FAM168A: variants seen among roughly 807,000 people sequenced by gnomAD.
FAM168A encodes the protein protein FAM168A.
A neutral mutation model predicts 28.5 loss-of-function variants in FAM168A; 3 were observed. That is an observed-to-expected ratio of 0.11 (90% confidence interval 0.05 to 0.27). FAM168A has a LOEUF of 0.27. Among genes scored for constraint, FAM168A ranks in the 10% least tolerant of loss-of-function variants. The pLI, the probability that FAM168A is intolerant of heterozygous loss-of-function variation, is 1.00. For missense variants in FAM168A, 222 were observed against 311.5 expected (o/e 0.71, Z 2.16); for synonymous variants, 122 against 124.2 (o/e 0.98, Z 0.12).
At chr11:73,445,890 C>T (rs901079205) in intron 2 of FAM168A, among the ~76,000 whole-genome samples, 1 of 152,104 alleles carries the variant, frequency 6.6e-6, no homozygotes, top group African/African-American at 2.4e-5. Context: ...TGAACATCTC[C>T]CATAATGTTT....
chr11:73,545,027 A>ATAATATATTTTAT (rs57233496), intron 1 of FAM168A, among the ~76,000 whole-genome samples: 1 of 77,468 alleles, frequency 1.3e-5, no homozygotes, highest in African/African-American at 1.2e-4. Context: ...TAGTATATAT[A>ATAATATATTTTAT]ATATATATAT....
intron 3 of FAM168A, among the ~76,000 whole-genome samples, chr11:73,428,228 C>T (rs1565239948): frequency 6.6e-6 from 1 of 152,140 alleles, no homozygotes; most frequent in Non-Finnish European, 1.5e-5. Flanking sequence ...TGATTGGCAC[C>T]ACCTCTCCTG....
At chr11:73,566,968 TAGA>T (rs897942355) in intron 1 of FAM168A, among the ~76,000 whole-genome samples, 3 of 152,242 alleles carry the variant, frequency 2.0e-5, no homozygotes, top group Admixed American at 2.0e-4. Flanking sequence ...ACCATTTGAG[TAGA>T]AGAAGCAACA....
At position 73,440,867 on chromosome 11, in the gene FAM168A, G is replaced by T. The variant is rs543044295; in HGVS notation, c.71-10097C>A. 4.8e-4 allele frequency among the ~76,000 whole-genome samples: 73 copies of T among 152,150 alleles called. 1 individual carries two copies. The Middle Eastern group carries it at 0.01, about 21-fold the overall frequency. On this transcript the variant is annotated intron_variant, in intron 2 of 7. Transcript: ENST00000356467. ...GACATTTGTAACATATGTAACATTGGACTAGAGGCCAGATTAAAAAACTCA... is the reference window on the plus strand; with the variant it reads ...GACATTTGTAACATATGTAACATTGTACTAGAGGCCAGATTAAAAAACTCA...
intron 1 of FAM168A, among the ~76,000 whole-genome samples, chr11:73,543,011 C>T (rs1943677390): frequency 6.6e-6 from 1 of 152,146 alleles, no homozygotes; most frequent in Admixed American, 6.5e-5. Flanking sequence ...ATCAATATGA[C>T]TTGCTCCTTT....
At chr11:73,543,521 A>G (rs1292931653) in intron 1 of FAM168A, among the ~76,000 whole-genome samples, 2 of 152,150 alleles carry the variant, frequency 1.3e-5, no homozygotes, top group East Asian at 3.8e-4. Context: ...TCGGTCTCCC[A>G]AAGTGCTGGG....
rs139513668 is a variant in FAM168A, at chr11:73,568,396, A to T, written c.-19+29527T>A. On this transcript the variant is annotated intron_variant, in intron 1 of 7. Coordinates refer to ENST00000356467, the MANE Select transcript of FAM168A (RefSeq NM_015159.3). Reference sequence around the variant, plus strand: ...AGGTGAGGGGTTAATTTACCTGAATATAACAATCTCAGACTAAAATAAGAA... The same window carrying T: ...AGGTGAGGGGTTAATTTACCTGAATTTAACAATCTCAGACTAAAATAAGAA... 5.9e-5 allele frequency among the ~76,000 whole-genome samples: 9 copies of T among 152,376 alleles called. No homozygotes were observed. In the East Asian group the frequency reaches 1.7e-3, roughly 29 times the overall value.
intron 4 of FAM168A, among the ~76,000 whole-genome samples, chr11:73,413,638 T>C (rs1866652860): frequency 6.6e-6 from 1 of 152,220 alleles, no homozygotes; most frequent in East Asian, 1.9e-4. Context: ...GACAACGTAC[T>C]ATAGATCCCA....
intron 1 of FAM168A, among the ~76,000 whole-genome samples, chr11:73,475,568 G>A (rs1240866445): frequency 6.6e-6 from 1 of 151,928 alleles, no homozygotes; most frequent in Non-Finnish European, 1.5e-5. Context: ...AATAGAAGGA[G>A]GTGGAACTTC....
chr11:73,478,594 T>C (rs1274339359), intron 1 of FAM168A, among the ~76,000 whole-genome samples: 2 of 152,206 alleles, frequency 1.3e-5, no homozygotes, highest in Admixed American at 1.3e-4. Context: ...ATGAGTACAT[T>C]TATCATATCT....
intron 1 of FAM168A, among the ~76,000 whole-genome samples, chr11:73,589,433 G>C (rs1944354513): frequency 6.6e-6 from 1 of 151,182 alleles, no homozygotes; most frequent in South Asian, 2.1e-4. Context: ...GGGCTACACT[G>C]GAAGAAAAAT....
intron 1 of FAM168A, among the ~76,000 whole-genome samples, chr11:73,545,837 C>A (rs114332532): frequency 1.3e-5 from 2 of 151,752 alleles, no homozygotes; most frequent in South Asian, 4.2e-4. Context: ...GCATAAGCCA[C>A]GGCGCCCAGC....
chr11:73,451,132 C>T (rs1409501216), intron 2 of FAM168A, among the ~76,000 whole-genome samples: 1 of 152,166 alleles, frequency 6.6e-6, no homozygotes, highest in Admixed American at 6.5e-5. Context: ...AAATGGGTTA[C>T]AGGTTGAGTT....
At chr11:73,496,745 A>G (rs1296264716) in intron 1 of FAM168A, among the ~76,000 whole-genome samples, 1 of 152,058 alleles carries the variant, frequency 6.6e-6, no homozygotes, top group Admixed American at 6.5e-5. Flanking sequence ...TATTTTTAGT[A>G]GAGACGGGGT....
At chr11:73,495,238 AG>A (rs1854848271) in intron 1 of FAM168A, among the ~76,000 whole-genome samples, 1 of 152,150 alleles carries the variant, frequency 6.6e-6, no homozygotes, top group African/African-American at 2.4e-5. Flanking sequence ...CTGAGGCAGG[AG>A]AATGGCGTGA....
At chr11:73,515,903 C>T (rs1220266427) in intron 1 of FAM168A, among the ~76,000 whole-genome samples, 2 of 151,918 alleles carry the variant, frequency 1.3e-5, no homozygotes, top group East Asian at 3.9e-4. Context: ...GAGATCGAGA[C>T]CATCCTGGCC....
At chr11:73,565,683 T>C (rs114824720) in intron 1 of FAM168A, among the ~76,000 whole-genome samples, 2,432 of 152,296 alleles carry the variant, frequency 0.016, 50 homozygotes, top group African/African-American at 0.048. Context: ...CAAAGTACTA[T>C]ATGACTTCTA....
At chr11:73,493,538 C>G (rs921506117) in intron 1 of FAM168A, among the ~76,000 whole-genome samples, 2 of 152,128 alleles carry the variant, frequency 1.3e-5, no homozygotes, top group African/African-American at 4.8e-5. Flanking sequence ...GCCTCAGCCT[C>G]CTAAGTAGCT....
At chr11:73,496,873 TCACACACACACACA>T (rs71065011) in intron 1 of FAM168A, among the ~76,000 whole-genome samples, 2 of 140,132 alleles carry the variant, frequency 1.4e-5, no homozygotes, top group Non-Finnish European at 3.1e-5. Context: ...TATGTTCTTA[TCACACACACACACA>T]CACACACACA....
Sources: gnomAD v4.1 joint callset for allele counts (sites outside exome capture counted in the v4.1 genomes callset) on GRCh38, gnomAD v4.1.1 for gene constraint, MANE v1.5 for transcripts, NCBI Gene and HGNC (gene_info 2026-07-23, HGNC 2026-07-21) for gene names.